The following TTC39B variants were observed in gnomAD, a reference collection of about 807,000 sequenced individuals.
TTC39B encodes tetratricopeptide repeat protein 39B.
TTC39B carries 92 observed loss-of-function variants against 96.6 expected under a neutral mutation model. The ratio of observed to expected loss-of-function variants is 0.95; its 90% CI spans 0.80 to 1.13. TTC39B has a LOEUF of 1.13. Among genes scored for constraint, TTC39B ranks in the 50% most tolerant of loss-of-function variants. The pLI is 0.00. For missense variants in TTC39B, 955 were observed against 809.3 expected, an observed-to-expected ratio of 1.18 and a Z score of -2.18; for synonymous variants, 367 against 299.4, an observed-to-expected ratio of 1.23 and a Z score of -2.33.
At chr9:15,203,768 T>G in intron 7 of TTC39B, 55 bp downstream of exon 7, 1 of 1,455,364 alleles carries the variant, frequency 6.9e-7, no homozygotes, top group East Asian at 2.3e-5. Context: ...CATTTTTCTA[T>G]GCAGCACTGG....
chr9:15,188,144 G>A lies in TTC39B; in HGVS notation c.1234-12C>T. The stretch of plus-strand genomic sequence containing the variant: ...AATACTTCTTGTGCCTGTAAATCAA[G>A]TACACAAAGTTGATCGTCCAGATAT... On this transcript the variant is annotated splice_polypyrimidine_tract_variant and intron_variant, in intron 13 of 19. Transcript: ENST00000512701. 1 of 1,577,652 alleles carries A rather than the reference G, an allele frequency of 6.3e-7. No individual in the cohort carries two copies. Among genetic ancestry groups the A allele is most frequent in the Non-Finnish European group, 8.6e-7 (1 of 1,163,046 alleles).
At chr9:15,279,971 G>C (rs1428975052) in intron 1 of TTC39B, among the ~76,000 whole-genome samples, 1 of 140,766 alleles carries the variant, frequency 7.1e-6, no homozygotes, top group African/African-American at 2.7e-5. Flanking sequence ...TCTTGGCTCA[G>C]TGCAACCTCC....
In TTC39B at chr9:15,176,719, A is replaced by G. The variant is rs550796282; in HGVS notation, c.1841+978T>C. On this transcript the variant is annotated intron_variant, in intron 18 of 19. Transcript: ENST00000512701. ...CCACACTGTGCAAAGCAATAATCAA[A>G]TAGAGCTGAGGAGTGTGGCTACACT... Among the ~76,000 whole-genome samples the G allele has an allele frequency of 4.5e-3, 689 of 152,338 alleles. 4 individuals carry two copies. The highest frequency in any genetic ancestry group is 7.5e-3 in the Non-Finnish European group (508 of 68,020).
At chr9:15,199,145 A>T (rs1215492319) in intron 8 of TTC39B, among the ~76,000 whole-genome samples, 1 of 152,220 alleles carries the variant, frequency 6.6e-6, no homozygotes, top group Non-Finnish European at 1.5e-5. Flanking sequence ...ACTGGATAAA[A>T]ATCAATAAGG....
chr9:15,233,335 C>G (rs990506440), intron 2 of TTC39B, among the ~76,000 whole-genome samples: 1 of 151,964 alleles, frequency 6.6e-6, no homozygotes, highest in Non-Finnish European at 1.5e-5. Context: ...TCGCCCTCTC[C>G]CTCTCCCTCT....
chr9:15,236,948 C>G (rs1225126151), intron 2 of TTC39B, among the ~76,000 whole-genome samples: 1 of 151,770 alleles, frequency 6.6e-6, no homozygotes, highest in African/African-American at 2.4e-5. Context: ...CAACCCAAAG[C>G]TAGCAGAAGA....
At chr9:15,276,997 GGAT>G (rs1823568283) in intron 1 of TTC39B, among the ~76,000 whole-genome samples, 1 of 152,200 alleles carries the variant, frequency 6.6e-6, no homozygotes, top group African/African-American at 2.4e-5. Context: ...AGCCTCTTTT[GGAT>G]GAGAGAAAAG....
At chr9:15,288,540 C>T (rs916639442) in intron 1 of TTC39B, among the ~76,000 whole-genome samples, 1 of 152,146 alleles carries the variant, frequency 6.6e-6, no homozygotes, top group African/African-American at 2.4e-5. Flanking sequence ...CACTCCATCC[C>T]CCTTCCAGCT....
chr9:15,213,316 C>T (rs1434709095), intron 4 of TTC39B, among the ~76,000 whole-genome samples: 1 of 152,136 alleles, frequency 6.6e-6, no homozygotes, highest in Non-Finnish European at 1.5e-5. Context: ...TGGAAAATTT[C>T]CTTAGACTAC....
At chr9:15,218,632 T>TAAAAAAAAAAAAAATATATATATA (rs545882970) in intron 3 of TTC39B, among the ~76,000 whole-genome samples, 11 of 105,106 alleles carry the variant, frequency 1.0e-4, no homozygotes, top group African/African-American at 3.9e-4. Context: ...TTAGTCTATT[T>TAAAAAAAAAAAAAATATATATATA]TAAATATATA....
rs368011805 is a variant in TTC39B at position 15,189,569 on chromosome 9, A to G, written c.1233+5T>C. The G allele has an allele frequency of 1.2e-5, 19 of 1,613,972 alleles. No individual in the cohort carries two copies. The African/African-American group carries it at 2.3e-4, about 19-fold the overall frequency. ...CCCCCAAATAATTCCCACCTAATAAATTACCTCTTCAAGATTCCCTTTCAG... is the reference window on the plus strand; with the variant it reads ...CCCCCAAATAATTCCCACCTAATAAGTTACCTCTTCAAGATTCCCTTTCAG... On this transcript the variant is annotated splice_donor_5th_base_variant and intron_variant, in intron 13 of 19. Coordinates refer to ENST00000512701, the Ensembl canonical transcript of TTC39B.
chr9:15,260,026 T>C (rs894589273), intron 2 of TTC39B, among the ~76,000 whole-genome samples: 1 of 152,178 alleles, frequency 6.6e-6, no homozygotes, highest in Admixed American at 6.5e-5. Context: ...GATGGCTCTA[T>C]AATTCTGTAA....
intron 2 of TTC39B, among the ~76,000 whole-genome samples, chr9:15,257,540 T>C (rs144471420): frequency 0.016 from 2,422 of 152,138 alleles, 31 homozygotes; most frequent in Non-Finnish European, 0.026. Context: ...CCTCGACTTC[T>C]GCGGCTCAAA....
chr9:15,182,315 T>C (rs1166424163), exon 17 of TTC39B: 2 of 1,608,812 alleles, frequency 1.2e-6, no homozygotes, highest in African/African-American at 2.7e-5. Context: ...ACTTTGACTT[T>C]GTAAAGCTGC....
chr9:15,193,872 A>G (rs1167547170), intron 8 of TTC39B, among the ~76,000 whole-genome samples: 1 of 152,216 alleles, frequency 6.6e-6, no homozygotes, highest in African/African-American at 2.4e-5. Flanking sequence ...TTATTCTTTT[A>G]AAATGTCAAC....
chr9:15,263,731 G>C (rs1342286137), intron 2 of TTC39B, among the ~76,000 whole-genome samples: 1 of 152,182 alleles, frequency 6.6e-6, no homozygotes, highest in Non-Finnish European at 1.5e-5. Flanking sequence ...AAGATTCTTC[G>C]TGTATGGACT....
intron 1 of TTC39B, among the ~76,000 whole-genome samples, chr9:15,288,688 A>C (rs138383959): frequency 6.6e-6 from 1 of 152,258 alleles, no homozygotes; most frequent in Non-Finnish European, 1.5e-5. Context: ...GCTGGTTAAC[A>C]CTTAAGCCAT....
chr9:15,247,616 T>G (rs1276217058), intron 2 of TTC39B, among the ~76,000 whole-genome samples: 2 of 152,170 alleles, frequency 1.3e-5, no homozygotes, highest in Non-Finnish European at 2.9e-5. Flanking sequence ...GTTTTCCACG[T>G]TCCTTAACTG....
In TTC39B at chr9:15,188,035, T is replaced by G. The variant is rs1194279316; in HGVS notation, c.1331A>C (p.Gln444Pro). 3 of 1,612,902 alleles carry G rather than the reference T, an allele frequency of 1.9e-6. No individual in the cohort carries two copies. The South Asian group carries it at 3.3e-5, about 18-fold the overall frequency. The change falls in exon 14 of 20, where the codon CAA (glutamine) becomes CCA (proline). Residue 444 changes from glutamine (Q) to proline (P), a missense_variant. Physicochemically the swap from Gln to Pro is moderately conservative, Grantham distance 76. Transcript: ENST00000512701. ...GTAATATGCCTGCATCCAGTTTTGTTGGAAAACATTAATCCACATTAGCTC... is the reference window on the plus strand; with the variant it reads ...GTAATATGCCTGCATCCAGTTTTGTGGGAAAACATTAATCCACATTAGCTC...
Sources: allele counts gnomAD v4.1 joint callset (sites outside exome capture counted in the v4.1 genomes callset), GRCh38; gene constraint gnomAD v4.1.1; transcripts MANE v1.5; gene names NCBI Gene and HGNC (gene_info 2026-07-23, HGNC 2026-07-21).